The following ZNF674 variants were observed in gnomAD, a reference collection of about 807,000 sequenced individuals.
ZNF674 encodes the protein zinc finger family member 674.
ZNF674 carries 2 observed loss-of-function variants against 7.0 expected under a neutral mutation model. The observed-to-expected ratio is 0.29, with a 90% CI of 0.12 to 0.90. The LOEUF is 0.90. ZNF674 is among the 40% of genes least tolerant of loss of function. ZNF674 has a pLI of 0.57. For missense variants in ZNF674, 297 were observed against 415.5 expected (o/e 0.71, Z 2.48); for synonymous variants, 103 against 145.2 (o/e 0.71, Z 2.09).
chrX:46,540,902 A>G (rs921577134), intron 3 of ZNF674, among the ~76,000 whole-genome samples: 1 of 108,529 alleles, frequency 9.2e-6, no homozygotes, highest in African/African-American at 3.4e-5. Context: ...CGTCTCTACT[A>G]AAAATACAAA....
chrX:46,537,422 A>T (rs1431275736), intron 3 of ZNF674, among the ~76,000 whole-genome samples: 1 of 112,042 alleles, frequency 8.9e-6, no homozygotes, highest in African/African-American at 3.2e-5. Flanking sequence ...AAACAAAAAA[A>T]TTCTGAAAGG....
chrX:46,524,183 G>A (rs928240885), intron 5 of ZNF674, among the ~76,000 whole-genome samples: 1 of 112,109 alleles, frequency 8.9e-6, no homozygotes, highest in Non-Finnish European at 1.9e-5. Flanking sequence ...AGAAGAGGAG[G>A]AAACACTTCC....
chrX:46,531,949 G>C (rs1052788856), intron 3 of ZNF674, among the ~76,000 whole-genome samples: 1 of 111,828 alleles, frequency 8.9e-6, no homozygotes, highest in African/African-American at 3.2e-5. Context: ...GGCGAATCAC[G>C]AGGTCAGGAG....
intron 5 of ZNF674, chrX:46,523,106 T>C: frequency 3.9e-6 from 1 of 256,244 alleles, no homozygotes; most frequent in Non-Finnish European, 7.3e-6. Context: ...CAAGATATAG[T>C]AATCAATAAG....
At chrX:46,524,049 A>AC (rs1941964103) in intron 5 of ZNF674, among the ~76,000 whole-genome samples, 1 of 111,539 alleles carries the variant, frequency 9.0e-6, no homozygotes, top group Non-Finnish European at 1.9e-5. Context: ...TCTCAAAAAA[A>AC]AAAAAAAAGA....
chrX:46,519,370 G>A (rs1448671484), intron 5 of ZNF674, among the ~76,000 whole-genome samples: 1 of 109,684 alleles, frequency 9.1e-6, no homozygotes, highest in Non-Finnish European at 1.9e-5. Context: ...CACTTTGGGA[G>A]GCTGAGGCGG....
chrX:46,542,534 C>A (rs1227398085), intron 2 of ZNF674, among the ~76,000 whole-genome samples: 1 of 110,885 alleles, frequency 9.0e-6, no homozygotes, highest in African/African-American at 3.3e-5. Flanking sequence ...TATAGCAAGG[C>A]CTTGTCTCTA....
intron 3 of ZNF674, among the ~76,000 whole-genome samples, chrX:46,531,409 C>T (rs1324801904): frequency 1.8e-5 from 2 of 111,963 alleles, no homozygotes; most frequent in African/African-American, 6.5e-5. Context: ...ATACCCTACT[C>T]GAGACTGGCA....
intron 5 of ZNF674, among the ~76,000 whole-genome samples, chrX:46,505,135 G>T (rs184586778): frequency 2.7e-5 from 3 of 110,748 alleles, no homozygotes; most frequent in African/African-American, 9.8e-5. Context: ...TGATATGACC[G>T]CCTCGGCCTC....
chrX:46,506,503 T>A (rs1222514937), intron 5 of ZNF674, among the ~76,000 whole-genome samples: 1 of 111,080 alleles, frequency 9.0e-6, no homozygotes, highest in East Asian at 2.8e-4. Context: ...TATGGGGATA[T>A]GTCAGAGCAC....
At chrX:46,513,917 T>TA (rs958463753) in intron 5 of ZNF674, among the ~76,000 whole-genome samples, 1 of 110,140 alleles carries the variant, frequency 9.1e-6, no homozygotes, top group African/African-American at 3.3e-5. Flanking sequence ...CAAACAAACT[T>TA]AGCCAGGTGT....
Position 46,500,663 on chromosome X carries a change from AC to A in ZNF674, c.910del (p.Val304TyrfsTer176), listed in dbSNP as rs1279793989. The A allele has an allele frequency of 5.8e-6, 7 of 1,210,138 alleles. No homozygotes were observed. The highest frequency in any genetic ancestry group is 7.8e-6 in the Non-Finnish European group (7 of 894,807). ...QRTHTGEKPFVCDKCPKAFKS... is the reference protein window; with the variant it reads ...QRTHTGEKPFXCDKCPKAFKS... ...AAAGGCTTTTGGACATTTGTCACAT[AC>A]AAATGGTTTCTCTCCTGTATGAGTT... On this transcript the variant is annotated frameshift_variant, in exon 6 of 6. Transcript: ENST00000683375. LOFTEE classifies it low-confidence loss of function (END_TRUNC).
chrX:46,525,448 C>CA lies in ZNF674; in HGVS notation c.238+2901dup, dbSNP rs57976774. 569 of 87,372 alleles carry CA rather than the reference C, an allele frequency of 6.5e-3. 1 individual carries two copies. Among genetic ancestry groups the CA allele is most frequent in the South Asian group, 0.011 (37 of 3,394 alleles). 7.2% of individuals were successfully genotyped at this position (87,372 alleles called of 1,213,427 possible). A position where few individuals can be genotyped will look rare whatever the true frequency, so the allele number is the denominator to read the frequency against. ...AGAAACCCCATCTCTACTAAAAATA[C>CA]AAAAAAAAAAAAAAAAATTAGCTGG... On this transcript the variant is annotated intron_variant, in intron 5 of 5. Coordinates refer to ENST00000683375, the MANE Select transcript of ZNF674 (RefSeq NM_001190417.2).
intron 5 of ZNF674, among the ~76,000 whole-genome samples, chrX:46,505,768 T>TCACACACACACACACACA (rs56158505): frequency 1.5e-3 from 151 of 100,236 alleles, no homozygotes; most frequent in South Asian, 5.6e-3. Flanking sequence ...CAAAACTCTG[T>TCACACACACACACACACA]CACACACACA....
chrX:46,533,833 T>A (rs868627112), intron 3 of ZNF674, among the ~76,000 whole-genome samples: 3,433 of 71,459 alleles, frequency 0.048, 77 homozygotes, highest in East Asian at 0.093. Context: ...AAAAAAAATA[T>A]ATATATATAT....
chrX:46,525,107 T>G (rs1280156380), intron 5 of ZNF674, among the ~76,000 whole-genome samples: 2 of 111,404 alleles, frequency 1.8e-5, no homozygotes, highest in Non-Finnish European at 3.8e-5. Context: ...CAGCATCAAT[T>G]CATGATAAAA....
intron 5 of ZNF674, among the ~76,000 whole-genome samples, chrX:46,518,703 G>C (rs1271460906): frequency 6.1e-5 from 6 of 97,763 alleles, no homozygotes; most frequent in Non-Finnish European, 1.2e-4. Context: ...GTGAAACCCC[G>C]TCTCTACTAA....
chrX:46,531,645 C>T (rs1404660971), intron 3 of ZNF674, among the ~76,000 whole-genome samples: 2 of 110,566 alleles, frequency 1.8e-5, no homozygotes, highest in African/African-American at 6.6e-5. Flanking sequence ...GGGTTTCCTT[C>T]CTTATCTCTC....
In ZNF674 at chrX:46,527,907, A is replaced by C. The variant is rs779035574; in HGVS notation, c.238+443T>G. The C allele has an allele frequency of 4.3e-5, 6 of 140,001 alleles. 1 individual carries two copies. In the South Asian group the frequency reaches 8.9e-4, roughly 21 times the overall value. 11.5% of individuals were successfully genotyped at this position (140,001 alleles called of 1,213,427 possible). ...TTTCCTTGAGTCTAAAAAAAAAAAA[A>C]AGACTCCAACTTTCAGCCTGAAAGG... On this transcript the variant is annotated intron_variant, in intron 5 of 5. Coordinates refer to ENST00000683375, the MANE Select transcript of ZNF674 (RefSeq NM_001190417.2).
Sources: gnomAD v4.1 joint callset for allele counts (sites outside exome capture counted in the v4.1 genomes callset) on GRCh38, gnomAD v4.1.1 for gene constraint, MANE v1.5 for transcripts, NCBI Gene and HGNC (gene_info 2026-07-23, HGNC 2026-07-21) for gene names.